Variants in YES1 observed in about 807,000 individuals in gnomAD.
YES1 encodes YES proto-oncogene 1, Src family tyrosine kinase, also known as tyrosine-protein kinase Yes.
A neutral mutation model predicts 70.4 loss-of-function variants in YES1; 39 were observed. That is an observed-to-expected ratio of 0.55 (90% CI 0.43 to 0.72). YES1 has a LOEUF of 0.72. Among genes scored for constraint, YES1 ranks in the 30% least tolerant of loss-of-function variants. YES1 has a pLI of 0.00. For missense variants in YES1, 495 were observed against 644.8 expected (o/e 0.77, Z 2.52); for synonymous variants, 198 against 218.6 (o/e 0.91, Z 0.83).
At chr18:776,819 CTCTG>C (rs1905409068) in intron 1 of YES1, among the ~76,000 whole-genome samples, 1 of 152,224 alleles carries the variant, frequency 6.6e-6, no homozygotes, top group South Asian at 2.1e-4. Context: ...TAAAGTAGAA[CTCTG>C]TCTGTAACAC....
chr18:792,869 A>G (rs188033345), intron 1 of YES1, among the ~76,000 whole-genome samples: 3,414 of 150,784 alleles, frequency 0.023, 118 homozygotes, highest in African/African-American at 0.075. Flanking sequence ...AAGGGGGGGG[A>G]AAAAGCTTAA....
chr18:801,714 A>T (rs556427979), intron 1 of YES1, among the ~76,000 whole-genome samples: 6 of 152,238 alleles, frequency 3.9e-5, no homozygotes, highest in Non-Finnish European at 8.8e-5. Context: ...GTGTATGTGT[A>T]TATACAGAGA....
chr18:783,390 A>AACAC lies in YES1; in HGVS notation c.-8-26559_-8-26556dup, dbSNP rs34769090. ...AAACTCTTCTTGGTTATGTAGGGGA[A>AACAC]ACACACACACACACACACACACGGA... On this transcript the variant is annotated intron_variant, in intron 1 of 11. Coordinates refer to ENST00000314574, the MANE Select transcript of YES1 (RefSeq NM_005433.4). Among the ~76,000 whole-genome samples the AACAC allele has an allele frequency of 7.8e-3, 1,163 of 149,886 alleles. 14 individuals carry two copies. The highest frequency in any genetic ancestry group is 0.026 in the African/African-American group (1,085 of 40,948).
chr18:739,478 C>T (rs1455727099), intron 9 of YES1: 3 of 323,224 alleles, frequency 9.3e-6, no homozygotes, highest in Admixed American at 4.9e-5. Flanking sequence ...TGGCCTGTGC[C>T]TGCAGTCCTA....
chr18:732,789 A>G, intron 11 of YES1, 45 bp downstream of exon 11: 2 of 1,613,066 alleles, frequency 1.2e-6, no homozygotes, highest in East Asian at 4.5e-5. Flanking sequence ...AACTCCTGAT[A>G]AAGCCACTCA....
intron 3 of YES1, among the ~76,000 whole-genome samples, chr18:750,731 G>A (rs2080332589): frequency 6.6e-6 from 1 of 152,176 alleles, no homozygotes; most frequent in Non-Finnish European, 1.5e-5. Flanking sequence ...CCAGGCAGGG[G>A]AGGAAGAATG....
chr18:804,315 G>A (rs1906973790), intron 1 of YES1, among the ~76,000 whole-genome samples: 1 of 152,162 alleles, frequency 6.6e-6, no homozygotes, highest in East Asian at 1.9e-4. Flanking sequence ...ATTTTATTAC[G>A]AAAAAATCTG....
chr18:783,999 T>C (rs1350626790), intron 1 of YES1, among the ~76,000 whole-genome samples: 4 of 152,148 alleles, frequency 2.6e-5, no homozygotes, highest in Non-Finnish European at 5.9e-5. Context: ...AAAAATCCAT[T>C]TCCTTACATT....
intron 6 of YES1, among the ~76,000 whole-genome samples, chr18:745,406 T>A (rs1437690234): frequency 6.6e-6 from 1 of 152,202 alleles, no homozygotes. Flanking sequence ...TAAGTGCCCA[T>A]AAATATTTGC....
At chr18:727,055 T>G (rs2080029585) in intron 11 of YES1, among the ~76,000 whole-genome samples, 1 of 152,156 alleles carries the variant, frequency 6.6e-6, no homozygotes, top group Admixed American at 6.5e-5. Flanking sequence ...GTATCTCTTT[T>G]TCTTCTTTAA....
intron 1 of YES1, among the ~76,000 whole-genome samples, chr18:790,151 G>A (rs183523407): frequency 4.6e-5 from 7 of 152,178 alleles, no homozygotes; most frequent in African/African-American, 1.2e-4. Flanking sequence ...CAAGGTGGGC[G>A]GATCACCTGA....
At chr18:804,150 T>C (rs1444959989) in intron 1 of YES1, among the ~76,000 whole-genome samples, 1 of 152,220 alleles carries the variant, frequency 6.6e-6, no homozygotes, top group Non-Finnish European at 1.5e-5. Flanking sequence ...AAGTTGTCCA[T>C]ACCTTTGTCA....
At chr18:759,495 C>T (rs369174686) in intron 1 of YES1, among the ~76,000 whole-genome samples, 82 of 152,160 alleles carry the variant, frequency 5.4e-4, no homozygotes, top group African/African-American at 2.0e-3. Context: ...AACCCATAAC[C>T]GGATCTGGAA....
intron 2 of YES1, among the ~76,000 whole-genome samples, chr18:755,867 C>T (rs975856258): frequency 6.6e-6 from 1 of 152,114 alleles, no homozygotes; most frequent in Non-Finnish European, 1.5e-5. Context: ...TGATACGGGA[C>T]CCTTTACAAA....
chr18:743,167 T>C (rs1024484217), intron 7 of YES1, 70 bp from the exon 8 acceptor site: 5 of 1,549,652 alleles, frequency 3.2e-6, no homozygotes, highest in Non-Finnish European at 4.4e-6. Context: ...TGAACAGCAC[T>C]TCTCTTAAAT....
chr18:795,508 T>C (rs186152382), intron 1 of YES1, among the ~76,000 whole-genome samples: 5 of 152,070 alleles, frequency 3.3e-5, no homozygotes, highest in Admixed American at 3.3e-4. Flanking sequence ...CCAACCCATA[T>C]CCCCATCAAT....
chr18:811,828 G>A (rs1168932079), intron 1 of YES1, among the ~76,000 whole-genome samples: 8 of 152,258 alleles, frequency 5.3e-5, no homozygotes, highest in Admixed American at 4.6e-4. Context: ...GACAAGGGGT[G>A]GGGAGTGTCC....
At chr18:785,020 C>G (rs761343104) in intron 1 of YES1, among the ~76,000 whole-genome samples, 18 of 152,166 alleles carry the variant, frequency 1.2e-4, no homozygotes, top group Non-Finnish European at 4.4e-5. Flanking sequence ...TGTTAGGGTT[C>G]AGAGAGTCAG....
chr18:731,789 A>C (rs2080090588), intron 11 of YES1, among the ~76,000 whole-genome samples: 1 of 151,900 alleles, frequency 6.6e-6, no homozygotes, highest in South Asian at 2.1e-4. Context: ...AACACGGTGA[A>C]ACCCCGTCTC....
Sources: allele counts gnomAD v4.1 joint callset (sites outside exome capture counted in the v4.1 genomes callset), GRCh38; gene constraint gnomAD v4.1.1; transcripts MANE v1.5; gene names NCBI Gene and HGNC (gene_info 2026-07-23, HGNC 2026-07-21).